The following NRXN3 variants were observed in gnomAD, a reference collection of about 807,000 sequenced individuals.
NRXN3 encodes the protein neurexin III.
A neutral mutation model predicts 137.6 loss-of-function variants in NRXN3; 32 were observed. The ratio of observed to expected loss-of-function variants is 0.23; its 90% CI spans 0.18 to 0.31. NRXN3 has a LOEUF of 0.31. Ranked by LOEUF, NRXN3 falls within the 10% of genes least tolerant of loss-of-function variation. The probability of loss-of-function intolerance (pLI) is 1.00; values close to 1 mark genes in which losing one functional copy is unlikely to be tolerated. For missense variants in NRXN3, 1,574 were observed against 2,062.5 expected (o/e 0.76, Z 4.59); for synonymous variants, 798 against 784.5 (o/e 1.02, Z -0.29).
At chr14:79,176,275 C>T (rs2062334175) in intron 15 of NRXN3, among the ~76,000 whole-genome samples, 1 of 152,198 alleles carries the variant, frequency 6.6e-6, no homozygotes, top group Non-Finnish European at 1.5e-5. Flanking sequence ...CCTATGGTTT[C>T]CAGATAGCTT....
intron 15 of NRXN3, among the ~76,000 whole-genome samples, chr14:79,035,130 A>G (rs1416058980): frequency 2.0e-5 from 3 of 152,160 alleles, no homozygotes; most frequent in African/African-American, 4.8e-5. Flanking sequence ...CCTCTTATAA[A>G]TGTAAACCTA....
At chr14:78,313,102 G>A (rs2078165579) in intron 4 of NRXN3, among the ~76,000 whole-genome samples, 1 of 152,152 alleles carries the variant, frequency 6.6e-6, no homozygotes, top group Non-Finnish European at 1.5e-5. Context: ...AGTAATTTGT[G>A]GAGAGTAATG....
intron 2 of NRXN3, among the ~76,000 whole-genome samples, chr14:78,257,792 T>G (rs1047855599): frequency 6.6e-6 from 1 of 152,206 alleles, no homozygotes; most frequent in African/African-American, 2.4e-5. Flanking sequence ...TTCAGTTGAA[T>G]TGTGACACAG....
At chr14:78,692,778 C>A (rs2098184235) in intron 6 of NRXN3, among the ~76,000 whole-genome samples, 1 of 152,118 alleles carries the variant, frequency 6.6e-6, no homozygotes, top group Admixed American at 6.5e-5. Context: ...TTCAGATAGT[C>A]TAAATATAAA....
intron 15 of NRXN3, among the ~76,000 whole-genome samples, chr14:79,011,136 T>C (rs2099570179): frequency 6.6e-6 from 1 of 152,168 alleles, no homozygotes; most frequent in Admixed American, 6.5e-5. Flanking sequence ...GTTTGGAGGA[T>C]AATAAAAGGA....
At chr14:78,467,532 T>C (rs552249033) in intron 4 of NRXN3, among the ~76,000 whole-genome samples, 3 of 152,250 alleles carry the variant, frequency 2.0e-5, no homozygotes, top group Non-Finnish European at 4.4e-5. Flanking sequence ...TCCCATACTC[T>C]GTGTGTTATG....
intron 8 of NRXN3, among the ~76,000 whole-genome samples, chr14:78,794,715 A>AT (rs930707389): frequency 1.3e-5 from 2 of 151,634 alleles, no homozygotes; most frequent in Non-Finnish European, 2.9e-5. Context: ...GAAAAGCTTA[A>AT]TTTTTTTCTT....
chr14:78,686,097 C>A (rs1444005173), intron 6 of NRXN3, among the ~76,000 whole-genome samples: 2 of 152,126 alleles, frequency 1.3e-5, no homozygotes, highest in African/African-American at 4.8e-5. Flanking sequence ...TGCCCCATCC[C>A]CTTAGATTTT....
At chr14:79,784,567 G>A (rs1209495743) in intron 19 of NRXN3, among the ~76,000 whole-genome samples, 1 of 145,816 alleles carries the variant, frequency 6.9e-6, no homozygotes, top group Non-Finnish European at 1.5e-5. Flanking sequence ...CAAAGAATCA[G>A]AAAATCTCTT....
At chr14:78,869,134 A>G (rs1258183686) in intron 10 of NRXN3, among the ~76,000 whole-genome samples, 2 of 152,202 alleles carry the variant, frequency 1.3e-5, no homozygotes, top group Non-Finnish European at 2.9e-5. Flanking sequence ...AGGGAAAGGG[A>G]CATTTGAACA....
Position 79,706,967 on chromosome 14 carries a change from G to A in NRXN3, c.4014+9030G>A, listed in dbSNP as rs2098782821. Among the ~76,000 whole-genome samples, 5 of 152,114 alleles carry A rather than the reference G, an allele frequency of 3.3e-5. No homozygotes were observed. The South Asian group carries it at 8.3e-4, about 25-fold the overall frequency. ...ACTCTTAACCTGTCTATTCTCATTC[G>A]TTTGTCGCCACCGGACTTCGGGTAC... is the stretch of plus-strand genomic sequence containing the variant. On this transcript the variant is annotated intron_variant, in intron 19 of 20. Coordinates refer to ENST00000335750, the MANE Select transcript of NRXN3 (RefSeq NM_001330195.2).
At chr14:79,757,860 C>T (rs1352981078) in intron 19 of NRXN3, among the ~76,000 whole-genome samples, 1 of 152,058 alleles carries the variant, frequency 6.6e-6, no homozygotes, top group Non-Finnish European at 1.5e-5. Flanking sequence ...TCCGAGAGAC[C>T]ATCCTATCAT....
At chr14:79,507,001 A>G (rs1001070300) in intron 16 of NRXN3, among the ~76,000 whole-genome samples, 1 of 152,222 alleles carries the variant, frequency 6.6e-6, no homozygotes, top group Non-Finnish European at 1.5e-5. Context: ...TCTATGATGC[A>G]GTCCCACAGA....
At chr14:78,907,135 A>G (rs974321591) in intron 10 of NRXN3, among the ~76,000 whole-genome samples, 1 of 152,086 alleles carries the variant, frequency 6.6e-6, no homozygotes, top group Non-Finnish European at 1.5e-5. Flanking sequence ...ATTTTTTTCT[A>G]TTTATTTACT....
intron 2 of NRXN3, among the ~76,000 whole-genome samples, chr14:78,261,434 T>G (rs2070707341): frequency 6.6e-6 from 1 of 152,208 alleles, no homozygotes; most frequent in African/African-American, 2.4e-5. Context: ...TCTAGAACGA[T>G]GCTTGGGCTG....
At chr14:78,286,949 A>G (rs564616812) in intron 3 of NRXN3, among the ~76,000 whole-genome samples, 39 of 152,298 alleles carry the variant, frequency 2.6e-4, no homozygotes, top group Non-Finnish European at 4.7e-4. Flanking sequence ...AAGTCCCACC[A>G]TTAGTGAGAG....
intron 20 of NRXN3, among the ~76,000 whole-genome samples, chr14:79,823,606 G>T (rs146422270): frequency 6.6e-6 from 1 of 152,166 alleles, no homozygotes; most frequent in African/African-American, 2.4e-5. Flanking sequence ...AACAAAAATC[G>T]ATGCAGAGCA....
At chr14:78,461,514 G>A (rs942585794) in intron 4 of NRXN3, among the ~76,000 whole-genome samples, 1 of 152,182 alleles carries the variant, frequency 6.6e-6, no homozygotes, top group African/African-American at 2.4e-5. Flanking sequence ...TTGCATGGAT[G>A]TTCTCTCGGT....
chr14:79,583,705 A>G (rs1002877327), intron 16 of NRXN3, among the ~76,000 whole-genome samples: 7 of 152,178 alleles, frequency 4.6e-5, no homozygotes, highest in African/African-American at 1.7e-4. Flanking sequence ...TTATGTTTGG[A>G]GAAAGGCAGC....
Sources: allele counts gnomAD v4.1 joint callset (sites outside exome capture counted in the v4.1 genomes callset), GRCh38; gene constraint gnomAD v4.1.1; transcripts MANE v1.5; gene names NCBI Gene and HGNC (gene_info 2026-07-23, HGNC 2026-07-21).